The following ANK1 variants were observed in gnomAD, a reference collection of about 807,000 sequenced individuals.
The protein encoded by ANK1 is ankyrin-1.
A neutral mutation model predicts 210.4 loss-of-function variants in ANK1; 51 were observed. The ratio of observed to expected loss-of-function variants is 0.24; its 90% CI spans 0.19 to 0.31. The LOEUF (loss-of-function observed/expected upper bound fraction) is 0.31. Ranked by LOEUF, ANK1 falls within the 10% of genes least tolerant of loss-of-function variation. ANK1 has a pLI of 1.00. For missense variants in ANK1, 2,051 were observed against 2,504.4 expected (o/e 0.82, Z 3.86); for synonymous variants, 967 against 1,025.9 (o/e 0.94, Z 1.10).
intron 1 of ANK1, among the ~76,000 whole-genome samples, chr8:41,845,776 T>C (rs543861359): frequency 3.9e-5 from 6 of 152,296 alleles, no homozygotes; most frequent in Admixed American, 2.0e-4. Flanking sequence ...GTTCCCCTTC[T>C]CCATCTGTTT....
At chr8:41,698,990 G>C (rs1004475587) in intron 23 of ANK1, among the ~76,000 whole-genome samples, 1 of 152,022 alleles carries the variant, frequency 6.6e-6, no homozygotes, top group Non-Finnish European at 1.5e-5. Flanking sequence ...GTAGGGACAG[G>C]GTTTCACCAT....
intron 2 of ANK1, among the ~76,000 whole-genome samples, chr8:41,740,026 C>A (rs978366799): frequency 6.6e-6 from 1 of 152,014 alleles, no homozygotes; most frequent in Admixed American, 6.5e-5. Context: ...GGTGGGATTT[C>A]TTTTCCATGT....
At chr8:41,672,972 G>C in intron 37 of ANK1, 60 bp from the exon 38 acceptor site, 2 of 1,493,666 alleles carry the variant, frequency 1.3e-6, no homozygotes, top group Non-Finnish European at 1.8e-6. Flanking sequence ...ACCCATTCAC[G>C]TGCAGGTCCA....
intron 1 of ANK1, among the ~76,000 whole-genome samples, chr8:41,765,249 T>C (rs1841507510): frequency 6.6e-6 from 1 of 151,654 alleles, no homozygotes; most frequent in Non-Finnish European, 1.5e-5. Context: ...CTCCATTTCT[T>C]TCTTTCAAGA....
Position 41,690,356 on chromosome 8 carries a change from A to G in ANK1, c.3985-10T>C, listed in dbSNP as rs886062940. On this transcript the variant is annotated splice_polypyrimidine_tract_variant and intron_variant, in intron 32 of 42. Coordinates refer to ENST00000289734, the MANE Select transcript of ANK1 (RefSeq NM_000037.4). ...GACTGCTGTCCCTCACCTAAACTCA[A>G]TCACACAAAGGAGAATTCAGGGGCC... The G allele has an allele frequency of 6.2e-7, 1 of 1,614,204 alleles. No homozygotes were observed. The highest frequency in any genetic ancestry group is 8.5e-7 in the Non-Finnish European group (1 of 1,180,028).
intron 6 of ANK1, 135 bp downstream of exon 6, chr8:41,725,626 G>T: frequency 8.1e-7 from 1 of 1,241,314 alleles, no homozygotes; most frequent in Non-Finnish European, 1.1e-6. Context: ...TGCGTCCTGG[G>T]GTGAGGGCGC....
At chr8:41,658,099 A>G (rs1563316782) in intron 42 of ANK1, among the ~76,000 whole-genome samples, 1 of 152,194 alleles carries the variant, frequency 6.6e-6, no homozygotes, top group Non-Finnish European at 1.5e-5. Context: ...GCCCAGGCTC[A>G]TCTCAAATTA....
Position 41,703,422 on chromosome 8 carries a change from GTATATATA to G in ANK1, c.2295+611_2295+618del, listed in dbSNP as rs57077078. On this transcript the variant is annotated intron_variant, in intron 20 of 42. Coordinates refer to ENST00000289734, the MANE Select transcript of ANK1 (RefSeq NM_000037.4). The stretch of plus-strand genomic sequence containing the variant: ...TATATGTGTGTGTGTGTGTGTGTGT[GTATATATA>G]TATATATATATATATATATATTTTT... Among the ~76,000 whole-genome samples the G allele has an allele frequency of 6.9e-4, 37 of 53,762 alleles. 1 individual carries two copies. Among genetic ancestry groups the G allele is most frequent in the South Asian group, 1.4e-3 (2 of 1,430 alleles). The allele number at this position is 53,762 out of a possible 152,430, so 35.3% of individuals were successfully genotyped here.
At chr8:41,865,458 G>T (rs957966873) in intron 1 of ANK1, among the ~76,000 whole-genome samples, 7 of 152,050 alleles carry the variant, frequency 4.6e-5, no homozygotes, top group Non-Finnish European at 1.0e-4. Context: ...GGAAGGAATG[G>T]CTTCCTCACA....
intron 1 of ANK1, among the ~76,000 whole-genome samples, chr8:41,874,475 G>A (rs1194180785): frequency 6.6e-6 from 1 of 152,176 alleles, no homozygotes; most frequent in Non-Finnish European, 1.5e-5. Flanking sequence ...CCTGCCCGCA[G>A]CCCCCAACCT....
chr8:41,752,798 G>GCAC (rs1554596986), intron 2 of ANK1, among the ~76,000 whole-genome samples: 1 of 145,798 alleles, frequency 6.9e-6, no homozygotes, highest in Non-Finnish European at 1.5e-5. Flanking sequence ...GCACACACAG[G>GCAC]CCCCCCCCCA....
chr8:41,834,430 G>T (rs1807241171), intron 1 of ANK1, among the ~76,000 whole-genome samples: 1 of 152,232 alleles, frequency 6.6e-6, no homozygotes, highest in Non-Finnish European at 1.5e-5. Context: ...CAGCACTGGG[G>T]TTTTGTTCTT....
chr8:41,728,799 G>C (rs1278558280), intron 3 of ANK1, among the ~76,000 whole-genome samples: 2 of 152,226 alleles, frequency 1.3e-5, no homozygotes, highest in East Asian at 3.8e-4. Flanking sequence ...CATCTAATCT[G>C]CTGTGTGCGT....
chr8:41,733,920 C>CA (rs762454502), intron 3 of ANK1, 51 bp downstream of exon 3: 10 of 1,506,124 alleles, frequency 6.6e-6, no homozygotes, highest in Middle Eastern at 1.7e-4. Flanking sequence ...AGGAAGGACT[C>CA]ACAAACTTGA....
chr8:41,688,270 G>A, intron 34 of ANK1, 40 bp from the exon 35 acceptor site: 2 of 1,605,498 alleles, frequency 1.2e-6, no homozygotes, highest in Non-Finnish European at 1.7e-6. Flanking sequence ...AGCCAGGGCA[G>A]GACACAGTTG....
At chr8:41,724,035 G>A (rs1190192228) in intron 7 of ANK1, among the ~76,000 whole-genome samples, 2 of 151,886 alleles carry the variant, frequency 1.3e-5, no homozygotes, top group African/African-American at 2.4e-5. Context: ...TGATCCGCCC[G>A]TCTCGGCCTC....
At chr8:41,692,441 C>T (rs1479306885) in intron 31 of ANK1, among the ~76,000 whole-genome samples, 35 of 152,246 alleles carry the variant, frequency 2.3e-4, no homozygotes, top group Admixed American at 2.3e-3. Flanking sequence ...CAAAAGCCTG[C>T]AGCCTCCTCT....
At chr8:41,718,075 T>C in intron 11 of ANK1, 31 bp downstream of exon 11, 1 of 1,605,426 alleles carries the variant, frequency 6.2e-7, no homozygotes, top group South Asian at 1.1e-5. Flanking sequence ...ACCACAGGCC[T>C]GCCCCCAGGC....
intron 1 of ANK1, among the ~76,000 whole-genome samples, chr8:41,827,906 A>C (rs577908929): frequency 6.6e-6 from 1 of 151,520 alleles, no homozygotes; most frequent in Non-Finnish European, 1.5e-5. Context: ...ATGCACACTC[A>C]CGTGCACACA....
Sources: gnomAD v4.1 joint callset for allele counts (sites outside exome capture counted in the v4.1 genomes callset) on GRCh38, gnomAD v4.1.1 for gene constraint, MANE v1.5 for transcripts, NCBI Gene and HGNC (gene_info 2026-07-23, HGNC 2026-07-21) for gene names.